DNAH17: variants seen among roughly 807,000 people sequenced by gnomAD.
The protein encoded by DNAH17 is dynein axonemal heavy chain 17, also known as axonemal beta dynein heavy chain 17.
Under a neutral mutation model 485.6 loss-of-function variants are expected in DNAH17, and 376 were observed. The observed-to-expected ratio is 0.77, with a 90% CI of 0.71 to 0.84. The LOEUF (loss-of-function observed/expected upper bound fraction) is 0.84, where lower values mean the gene tolerates loss of function less well. Among genes scored for constraint, DNAH17 ranks in the 40% least tolerant of loss-of-function variants. The pLI is 0.00. For missense variants in DNAH17, 6,370 were observed against 5,839.3 expected (o/e 1.09, Z -2.96); for synonymous variants, 3,031 against 2,405.9 (o/e 1.26, Z -7.60).
chr17:78,575,931 TGAGGTGGGGGCCTTG>T (rs1330350923), intron 1 of DNAH17, among the ~76,000 whole-genome samples: 8 of 152,342 alleles, frequency 5.3e-5, no homozygotes, highest in African/African-American at 1.7e-4. Context: ...GCAAGAGGCC[TGAGGTGGGGGCCTTG>T]GAGGCGAGTT....
At chr17:78,482,112 C>T (rs1356294229) in intron 48 of DNAH17, among the ~76,000 whole-genome samples, 1 of 142,578 alleles carries the variant, frequency 7.0e-6, no homozygotes, top group East Asian at 2.0e-4. Context: ...GGGTCTTGCT[C>T]TCTCACCCCG....
chr17:78,428,395 A>G (rs902242529), intron 77 of DNAH17, 130 bp downstream of exon 77: 389 of 1,172,330 alleles, frequency 3.3e-4, no homozygotes, highest in Non-Finnish European at 4.4e-4. Context: ...TCTGATACCC[A>G]AGCCCAAGGC....
Position 78,537,491 on chromosome 17 carries a change from G to T in DNAH17, c.2677-10C>A. On this transcript the variant is annotated splice_polypyrimidine_tract_variant and intron_variant, in intron 18 of 80. Coordinates refer to ENST00000389840, the MANE Select transcript of DNAH17 (RefSeq NM_173628.4). ...GGGGAGCGATACTCTCCTGAAAGAGGGGTGGGGTTGGCAGTGGTCAACACC... is the reference window on the plus strand; with the variant it reads ...GGGGAGCGATACTCTCCTGAAAGAGTGGTGGGGTTGGCAGTGGTCAACACC... The T allele has an allele frequency of 6.2e-7, 1 of 1,612,540 alleles. No individual in the cohort carries two copies. Among genetic ancestry groups the T allele is most frequent in the Non-Finnish European group, 8.5e-7 (1 of 1,179,528 alleles).
chr17:78,539,816 A>G lies in DNAH17; in HGVS notation c.2597T>C (p.Ile866Thr). 1 of 1,612,046 alleles carries G rather than the reference A, an allele frequency of 6.2e-7. No individual in the cohort carries two copies. ...AAATTCATCTAAGACCATGTCGTCA[A>G]TGTAGATGACATAATCCTTCCAGGG... Reference protein sequence around the residue: ...SLPWKDYVIYIDDMVLDEFDQ... With the variant: ...SLPWKDYVIYTDDMVLDEFDQ... Residue 866 changes from isoleucine to threonine, a missense_variant, in exon 18 of 81, where the codon ATT becomes ACT. Transcript: ENST00000389840.
At position 78,479,016 on chromosome 17, in the gene DNAH17, G is replaced by T. The variant is rs376521932; in HGVS notation, c.7992+9C>A. 1.2e-6 allele frequency: 2 copies of T among 1,612,292 alleles called. No individual in the cohort carries two copies. Among genetic ancestry groups the T allele is most frequent in the African/African-American group, 1.3e-5 (1 of 75,030 alleles). ...AGGCAGGCATGACATAAAGCTACAA[G>T]AGCAGTACCTGGAAAATATTGGAGA... On this transcript the variant is annotated intron_variant, in intron 51 of 80. Transcript: ENST00000389840.
intron 17 of DNAH17, among the ~76,000 whole-genome samples, chr17:78,543,136 A>G (rs997995882): frequency 6.8e-6 from 1 of 146,154 alleles, no homozygotes; most frequent in East Asian, 2.1e-4. Flanking sequence ...TTTTGTTTTG[A>G]GATAGTCTCA....
chr17:78,528,950 A>ATTT (rs56009624), intron 22 of DNAH17, among the ~76,000 whole-genome samples: 8 of 140,650 alleles, frequency 5.7e-5, no homozygotes, highest in African/African-American at 1.9e-4. Context: ...GGCATTTTGT[A>ATTT]TTTTTTTTTT....
Position 78,532,686 on chromosome 17 carries a change from G to A in DNAH17, c.2910C>T (p.Ser970=), listed in dbSNP as rs564868005. Residue 970 remains serine, a synonymous_variant, in exon 20 of 81, where the codon TCC becomes TCT. Transcript: ENST00000389840. ...TDLIEMREEV[S]SLVINAMKEA... is the part of the protein sequence containing the mutation. Reference sequence around the variant, plus strand: ...CCTTCATGGCATTGATGACCAGGCTGGACACCTCCTCCCTCATCTCTATGA... The same window carrying A: ...CCTTCATGGCATTGATGACCAGGCTAGACACCTCCTCCCTCATCTCTATGA... 1.4e-5 allele frequency: 23 copies of A among 1,593,454 alleles called. No homozygotes were observed. In the South Asian group the frequency reaches 2.3e-4, roughly 16 times the overall value.
rs577733173 is a variant in DNAH17 at position 78,569,399 on chromosome 17, G to A, written c.1173C>T (p.Cys391=). 1.5e-5 allele frequency: 25 copies of A among 1,613,050 alleles called. No homozygotes were observed. Among genetic ancestry groups the A allele is most frequent in the Admixed American group, 1.3e-4 (8 of 59,864 alleles). The change falls in exon 8 of 81, where the codon TGC becomes TGT. Residue 391 remains cysteine, a synonymous_variant. Transcript: ENST00000389840. ...KELYQTYDFC[C]VNMKLFFKDK... ...CCTTAAAGAAAAGCTTCATGTTCAC[G>A]CAGCAGAAGTCGTACGTCTGGTAGA...
chr17:78,450,772 C>A lies in DNAH17; in HGVS notation c.10809G>T (p.Leu3603=), dbSNP rs1047864229. The A allele has an allele frequency of 6.2e-7, 1 of 1,614,058 alleles. No homozygotes were observed. Among genetic ancestry groups the A allele is most frequent in the Non-Finnish European group, 8.5e-7 (1 of 1,179,896 alleles). Residue 3603 remains leucine (L), a synonymous_variant, in exon 67 of 81, where the codon CTG becomes CTT. Transcript: ENST00000389840. ...CCAGAAAGTTCCCCGACGCAGCCGA[C>A]AGACGGGCCAGGAGCGAATCTTCCA... ...KELEDSLLAR[L]SAASGNFLGD... is the part of the protein sequence containing the mutation.
In DNAH17 at chr17:78,441,073, G is replaced by T. The variant is rs2087055076; in HGVS notation, c.11655C>A (p.Pro3885=). 6.2e-7 allele frequency: 1 copy of T among 1,603,926 alleles called. No homozygotes were observed. The highest frequency in any genetic ancestry group is 8.5e-7 in the Non-Finnish European group (1 of 1,175,128). The part of the protein sequence containing the change: ...IFFILSPGVD[P]LKDVEALGKK... ...TACCCAGGGCTTCCACGTCTTTCAAGGGGTCAACCCCCGGGGAGAGGATGA... is the reference window on the plus strand; with the variant it reads ...TACCCAGGGCTTCCACGTCTTTCAATGGGTCAACCCCCGGGGAGAGGATGA... The change falls in exon 72 of 81, where the codon CCC becomes CCA. Residue 3885 remains proline (P), a synonymous_variant. Coordinates refer to ENST00000389840, the MANE Select transcript of DNAH17 (RefSeq NM_173628.4).
At chr17:78,526,410 T>C (rs1011682570) in intron 24 of DNAH17, among the ~76,000 whole-genome samples, 9 of 152,196 alleles carry the variant, frequency 5.9e-5, no homozygotes, top group East Asian at 1.9e-4. Context: ...TGCTCTGAGC[T>C]GCGAGACACA....
At chr17:78,513,521 C>G (rs1160586942) in intron 26 of DNAH17, among the ~76,000 whole-genome samples, 1 of 152,112 alleles carries the variant, frequency 6.6e-6, no homozygotes, top group African/African-American at 2.4e-5. Flanking sequence ...CTGCAACCTC[C>G]ACCTCCCAGG....
intron 16 of DNAH17, among the ~76,000 whole-genome samples, chr17:78,550,993 C>T (rs575945110): frequency 1.9e-3 from 285 of 152,168 alleles, no homozygotes; most frequent in African/African-American, 6.0e-3. Flanking sequence ...CTGAGACAGG[C>T]GGATCATTTG....
In DNAH17 at chr17:78,476,347, G is replaced by A. The variant is rs677657; in HGVS notation, c.8154+225C>T. On this transcript the variant is annotated intron_variant, in intron 52 of 80. Coordinates refer to ENST00000389840, the MANE Select transcript of DNAH17 (RefSeq NM_173628.4). Reference sequence around the variant, plus strand: ...CTCGGACCCACAGCCACGTGCCGGAGTTATCGCGTGGAACCCTCGGACCCA... The same window carrying A: ...CTCGGACCCACAGCCACGTGCCGGAATTATCGCGTGGAACCCTCGGACCCA... 3.0e-3 allele frequency among the ~76,000 whole-genome samples: 246 copies of A among 80,926 alleles called. 2 individuals are homozygous for A. Among genetic ancestry groups the A allele is most frequent in the African/African-American group, 0.017 (230 of 13,896 alleles). The allele number at this position is 80,926 out of a possible 152,430, so 53.1% of individuals were successfully genotyped here.
intron 26 of DNAH17, among the ~76,000 whole-genome samples, chr17:78,510,846 C>T (rs923880049): frequency 1.3e-5 from 2 of 151,374 alleles, no homozygotes; most frequent in African/African-American, 2.4e-5. Context: ...GAGGTGAGTT[C>T]ATCCTGGATT....
Position 78,505,379 on chromosome 17 carries a change from C to T in DNAH17, c.4870G>A (p.Asp1624Asn). Residue 1624 changes from aspartate to asparagine, a missense_variant, in exon 31 of 81, where the codon GAC becomes AAC. Coordinates refer to ENST00000389840, the MANE Select transcript of DNAH17 (RefSeq NM_173628.4). Reference sequence around the variant, plus strand: ...CCCAGGCCCACCTTGAGAGGTTTGTCACTGGCATCGAGCCGGAACTTCAGT... The same window carrying T: ...CCCAGGCCCACCTTGAGAGGTTTGTTACTGGCATCGAGCCGGAACTTCAGT... ...CKLKFRLDASDKPLKVGLGMY... is the reference protein window; with the variant it reads ...CKLKFRLDASNKPLKVGLGMY... 1 of 1,614,000 alleles carries T rather than the reference C, an allele frequency of 6.2e-7. No homozygotes were observed. Among genetic ancestry groups the T allele is most frequent in the Admixed American group, 1.7e-5 (1 of 60,026 alleles).
intron 26 of DNAH17, among the ~76,000 whole-genome samples, chr17:78,511,441 G>T (rs1377782274): frequency 6.6e-6 from 1 of 152,160 alleles, no homozygotes. Flanking sequence ...CTGGTTTGTG[G>T]TCCTTTGTCA....
chr17:78,557,854 G>T (rs2092061191), intron 14 of DNAH17, among the ~76,000 whole-genome samples: 1 of 151,980 alleles, frequency 6.6e-6, no homozygotes, highest in Admixed American at 6.6e-5. Flanking sequence ...GACAACAAAT[G>T]CTGGTGTAAG....
Sources: allele counts gnomAD v4.1 joint callset (sites outside exome capture counted in the v4.1 genomes callset), GRCh38; gene constraint gnomAD v4.1.1; transcripts MANE v1.5; gene names NCBI Gene and HGNC (gene_info 2026-07-23, HGNC 2026-07-21).